Variants in NAGA observed in about 807,000 individuals in gnomAD.
NAGA encodes alpha-N-acetylgalactosaminidase.
Under a neutral mutation model 45.6 loss-of-function variants are expected in NAGA, and 42 were observed. That is an observed-to-expected ratio of 0.92 (90% confidence interval 0.72 to 1.19). The LOEUF (loss-of-function observed/expected upper bound fraction) is 1.19. Among genes scored for constraint, NAGA ranks in the 50% most tolerant of loss-of-function variants. The probability of loss-of-function intolerance (pLI) is 0.00; values close to 1 mark genes in which losing one functional copy is unlikely to be tolerated. For missense variants in NAGA, 493 were observed against 544.8 expected, an observed-to-expected ratio of 0.90 and a Z score of 0.95; for synonymous variants, 176 against 203.1, an observed-to-expected ratio of 0.87 and a Z score of 1.13.
At chr22:42,062,752 G>C (rs1411233716) in intron 7 of NAGA, 75 bp downstream of exon 7, 2 of 1,539,102 alleles carry the variant, frequency 1.3e-6, no homozygotes, top group African/African-American at 2.7e-5. Context: ...GTTGCCCCCA[G>C]GGAGGCTGGC....
chr22:42,062,908 C>A lies in NAGA; in HGVS notation c.876G>T (p.Gln292His). 1.9e-6 allele frequency: 3 copies of A among 1,614,202 alleles called. No individual in the cohort carries two copies. The highest frequency in any genetic ancestry group is 2.5e-6 in the Non-Finnish European group (3 of 1,180,042). The change falls in exon 7 of 9, where the codon CAG (glutamine) becomes CAT (histidine). Residue 292 changes from glutamine (Q) to histidine (H), a missense_variant. Gln to His is a conservative substitution (Grantham distance 24, BLOSUM62 0). Transcript: ENST00000396398. ...MSTDLRTISA[Q>H]NMDILQNPLM... ...GTGGATTCTGCAGAATGTCCATGTT[C>A]TGGGCGGAGATGGTACGCAGGTCTG...
chr22:42,062,797 C>T, intron 7 of NAGA, 30 bp downstream of exon 7: 1 of 1,609,734 alleles, frequency 6.2e-7, no homozygotes, highest in Non-Finnish European at 8.5e-7. Flanking sequence ...TTCCTCAGCC[C>T]TCCCCTTCCT....
chr22:42,062,528 C>T (rs545384915), intron 7 of NAGA, among the ~76,000 whole-genome samples: 6 of 152,296 alleles, frequency 3.9e-5, no homozygotes, highest in East Asian at 1.9e-4. Context: ...CAGGCCATCA[C>T]GGGTGTATAG....
chr22:42,062,774 C>G lies in NAGA; in HGVS notation c.957+53G>C, dbSNP rs955238042. 16 of 1,593,382 alleles carry G rather than the reference C, an allele frequency of 1.0e-5. No individual in the cohort carries two copies. In the African/African-American group the frequency reaches 1.9e-4, roughly 19 times the overall value. ...CCAGGGAGGCTGGCAGCCTTTCTCTCAGGAGAACCCAGTTCCTCAGCCCTC... is the reference window on the plus strand; with the variant it reads ...CCAGGGAGGCTGGCAGCCTTTCTCTGAGGAGAACCCAGTTCCTCAGCCCTC... On this transcript the variant is annotated intron_variant, in intron 7 of 8. Coordinates refer to ENST00000396398, the MANE Select transcript of NAGA (RefSeq NM_000262.3).
intron 7 of NAGA, 115 bp from the exon 8 acceptor site, chr22:42,061,182 G>C: frequency 7.4e-7 from 1 of 1,343,538 alleles, no homozygotes; most frequent in East Asian, 2.5e-5. Context: ...ATGTCACACA[G>C]GTTTAGGGAG....
chr22:42,062,608 C>A (rs1248963203), intron 7 of NAGA, among the ~76,000 whole-genome samples: 1 of 152,202 alleles, frequency 6.6e-6, no homozygotes, highest in Non-Finnish European at 1.5e-5. Flanking sequence ...CTCCCTTGAG[C>A]TGTCCTGCTC....
intron 7 of NAGA, 30 bp from the exon 8 acceptor site, chr22:42,061,097 G>T: frequency 6.2e-7 from 1 of 1,612,000 alleles, no homozygotes; most frequent in Non-Finnish European, 8.5e-7. Context: ...ACTGGCTGGG[G>T]TCCCTTGCTC....
intron 3 of NAGA, 130 bp from the exon 4 acceptor site, chr22:42,067,420 G>C: frequency 8.4e-7 from 1 of 1,194,534 alleles, no homozygotes; most frequent in South Asian, 1.3e-5. Context: ...CAGCATGCTG[G>C]CCCGGCCTCT....
intron 7 of NAGA, among the ~76,000 whole-genome samples, chr22:42,062,138 A>G (rs1371993621): frequency 2.6e-4 from 39 of 152,230 alleles, no homozygotes; most frequent in Non-Finnish European, 2.9e-5. Flanking sequence ...TAGGTACTCA[A>G]TAAATAGCAG....
intron 6 of NAGA, among the ~76,000 whole-genome samples, chr22:42,064,623 C>T (rs747033974): frequency 2.8e-4 from 42 of 151,836 alleles, no homozygotes; most frequent in Non-Finnish European, 3.7e-4. Context: ...CCAGCCTGGG[C>T]GACAGAGCAA....
At chr22:42,063,104 G>C in intron 6 of NAGA, 80 bp from the exon 7 acceptor site, 1 of 1,394,916 alleles carries the variant, frequency 7.2e-7, no homozygotes, top group Non-Finnish European at 1.0e-6. Flanking sequence ...ACTTGTAGCC[G>C]AGGAAGAGCA....
chr22:42,060,035 G>T lies in NAGA; in HGVS notation c.*244C>A. ...GCGAGTTGCTCAGCAACGTCTGTGGGGCTGCGCACATGGAAGTAGAGGCCA... is the reference window on the plus strand; with the variant it reads ...GCGAGTTGCTCAGCAACGTCTGTGGTGCTGCGCACATGGAAGTAGAGGCCA... On this transcript the variant is annotated 3_prime_UTR_variant, in exon 9 of 9. Coordinates refer to ENST00000396398, the MANE Select transcript of NAGA (RefSeq NM_000262.3). 1 of 530,218 alleles carries T rather than the reference G, an allele frequency of 1.9e-6. No homozygotes were observed. Among genetic ancestry groups the T allele is most frequent in the Non-Finnish European group, 3.4e-6 (1 of 291,404 alleles). 32.8% of individuals were successfully genotyped at this position (530,218 alleles called of 1,614,324 possible). A position where few individuals can be genotyped will look rare whatever the true frequency, so the allele number is the denominator to read the frequency against.
chr22:42,058,875 A>T lies in NAGA; in HGVS notation c.*1404T>A, dbSNP rs1232314986. Reference sequence around the variant, plus strand: ...CGGAGGGGCAGGCCTGGGATGAGGTAGGCTTCTGTCCTAAGTTTCTCAACA... The same window carrying T: ...CGGAGGGGCAGGCCTGGGATGAGGTTGGCTTCTGTCCTAAGTTTCTCAACA... On this transcript the variant is annotated 3_prime_UTR_variant, in exon 9 of 9. Transcript: ENST00000396398. 1 of 152,316 alleles carries T rather than the reference A, an allele frequency of 6.6e-6. No homozygotes were observed. The highest frequency in any genetic ancestry group is 1.5e-5 in the Non-Finnish European group (1 of 68,124). 9.4% of individuals were successfully genotyped at this position (152,316 alleles called of 1,614,324 possible). A position where few individuals can be genotyped will look rare whatever the true frequency, so the allele number is the denominator to read the frequency against.
At chr22:42,070,132 T>A in intron 1 of NAGA, 150 bp downstream of exon 1, 1 of 921,422 alleles carries the variant, frequency 1.1e-6, no homozygotes. Context: ...GATTCCCGTA[T>A]GGGGAAGCAT....
Position 42,063,027 on chromosome 22 carries a change from G to A in NAGA, c.760-3C>T, listed in dbSNP as rs1230403332. ...AGACCAAAGTTCCCAATGAGCAGCT[G>A]GGGGCAGAGAAGAGGAGTAGTCAGC... On this transcript the variant is annotated splice_region_variant and splice_polypyrimidine_tract_variant and intron_variant, in intron 6 of 8. Transcript: ENST00000396398. The A allele has an allele frequency of 6.2e-7, 1 of 1,613,768 alleles. No homozygotes were observed.
intron 7 of NAGA, 95 bp from the exon 8 acceptor site, chr22:42,061,162 T>G (rs1006306430): frequency 1.9e-5 from 28 of 1,470,926 alleles, no homozygotes; most frequent in Admixed American, 1.9e-5. Flanking sequence ...GTCCCCCAGT[T>G]CACAGCTCCA....
Position 42,065,965 on chromosome 22 carries a change from A to G in NAGA, c.598-66T>C, listed in dbSNP as rs1489365405. 4 of 1,571,540 alleles carry G rather than the reference A, an allele frequency of 2.5e-6. No individual in the cohort carries two copies. The African/African-American group carries it at 5.4e-5, about 21-fold the overall frequency. ...CACGCTGCAGCCCAGGGACCCACAC[A>G]GGAGTTGAGGAGGCTCAGCAGGAGA... On this transcript the variant is annotated intron_variant, in intron 5 of 8. Coordinates refer to ENST00000396398, the MANE Select transcript of NAGA (RefSeq NM_000262.3).
intron 5 of NAGA, among the ~76,000 whole-genome samples, chr22:42,066,194 C>A (rs1022252126): frequency 3.9e-5 from 6 of 152,142 alleles, no homozygotes; most frequent in African/African-American, 7.2e-5. Flanking sequence ...AACAACCCTC[C>A]CTGACACCCA....
rs1181607797 is a variant in NAGA at position 42,060,024 on chromosome 22, A to G, written c.*255T>C. ...TCAGGAGGCTGGCGAGTTGCTCAGC[A>G]ACGTCTGTGGGGCTGCGCACATGGA... On this transcript the variant is annotated 3_prime_UTR_variant, in exon 9 of 9. Transcript: ENST00000396398. The G allele has an allele frequency of 2.0e-6, 1 of 503,218 alleles. No homozygotes were observed. Among genetic ancestry groups the G allele is most frequent in the Non-Finnish European group, 3.6e-6 (1 of 274,828 alleles). 31.2% of individuals were successfully genotyped at this position (503,218 alleles called of 1,614,324 possible). A position where few individuals can be genotyped will look rare whatever the true frequency, so the allele number is the denominator to read the frequency against.
Sources: allele counts gnomAD v4.1 joint callset (sites outside exome capture counted in the v4.1 genomes callset), GRCh38; gene constraint gnomAD v4.1.1; transcripts MANE v1.5; gene names NCBI Gene and HGNC (gene_info 2026-07-23, HGNC 2026-07-21).